Variants in C1QTNF3 observed in about 807,000 individuals in gnomAD.
C1QTNF3 encodes C1q and TNF related 3, also known as complement C1q tumor necrosis factor-related protein 3.
In C1QTNF3, 26 loss-of-function variants were observed where a neutral mutation model predicts 32.6. The ratio of observed to expected loss-of-function variants is 0.80; its 90% CI spans 0.58 to 1.11. C1QTNF3 has a LOEUF of 1.11. Ranked by LOEUF, C1QTNF3 falls within the 50% of genes least tolerant of loss-of-function variation. The pLI, the probability that C1QTNF3 is intolerant of heterozygous loss-of-function variation, is 0.00. For synonymous variants in C1QTNF3, 155 were observed against 146.0 expected, an observed-to-expected ratio of 1.06 and a Z score of -0.44; for missense variants, 362 against 398.2, an observed-to-expected ratio of 0.91 and a Z score of 0.77.
chr5:34,038,986 T>A (rs1754807323), intron 1 of C1QTNF3, among the ~76,000 whole-genome samples: 1 of 152,144 alleles, frequency 6.6e-6, no homozygotes, highest in African/African-American at 2.4e-5. Flanking sequence ...AACCTGAAAC[T>A]GGTTATCGGC....
At chr5:34,156,687 T>C in the C1QTNF3 span, among the ~76,000 whole-genome samples, 2 of 152,210 alleles carry the variant, frequency 1.3e-5, no homozygotes, top group Non-Finnish European at 2.9e-5. Flanking sequence ...TAGATGTTAC[T>C]AGATATTATA....
At chr5:34,166,820 T>A in the C1QTNF3 span, 1 of 152,068 alleles carries the variant, frequency 6.6e-6, no homozygotes, top group East Asian at 1.9e-4. Context: ...AGAGTTATGA[T>A]CGGTTACTTG....
At chr5:34,161,677 CTCTT>C in the C1QTNF3 span, among the ~76,000 whole-genome samples, 2 of 152,162 alleles carry the variant, frequency 1.3e-5, no homozygotes, top group Non-Finnish European at 2.9e-5. Context: ...AATTATTACA[CTCTT>C]TATCTTTCAT....
chr5:34,054,439 T>C, the C1QTNF3 span, among the ~76,000 whole-genome samples: 9 of 152,186 alleles, frequency 5.9e-5, no homozygotes, highest in African/African-American at 1.9e-4. Flanking sequence ...CTATGGACCA[T>C]AGAATCTTTG....
chr5:34,031,163 T>G (rs1283115829), intron 3 of C1QTNF3, among the ~76,000 whole-genome samples: 1 of 152,170 alleles, frequency 6.6e-6, no homozygotes, highest in East Asian at 1.9e-4. Flanking sequence ...AAAGTCAAAG[T>G]TAATCCTTCG....
At chr5:34,226,555 G>A in the C1QTNF3 span, among the ~76,000 whole-genome samples, 1 of 151,104 alleles carries the variant, frequency 6.6e-6, no homozygotes, top group African/African-American at 2.4e-5. Context: ...CATTTAATAT[G>A]TTCTTAATCT....
the C1QTNF3 span, among the ~76,000 whole-genome samples, chr5:34,238,266 C>A: frequency 6.6e-6 from 1 of 152,074 alleles, no homozygotes; most frequent in Non-Finnish European, 1.5e-5. Context: ...CACTAGCTAC[C>A]AAGCAATGGT....
At chr5:34,046,794 C>T (rs114044741), upstream of C1QTNF3, among the ~76,000 whole-genome samples, 3,497 of 152,216 alleles carry the variant, frequency 0.023, 85 homozygotes, top group African/African-American at 0.063. Context: ...CTGGAGTCTA[C>T]ACATGTACTA....
At chr5:34,231,090 C>T in the C1QTNF3 span, among the ~76,000 whole-genome samples, 2 of 152,098 alleles carry the variant, frequency 1.3e-5, no homozygotes, top group Non-Finnish European at 2.9e-5. Flanking sequence ...CTCACTCTTC[C>T]CTGCTGAAAC....
intron 2 of C1QTNF3, 149 bp downstream of exon 2, chr5:34,035,498 A>C (rs1001016352): frequency 2.9e-6 from 2 of 679,798 alleles, no homozygotes; most frequent in Non-Finnish European, 5.2e-6. Context: ...GGAGCCTCCC[A>C]GCCTATGAAC....
the C1QTNF3 span, among the ~76,000 whole-genome samples, chr5:34,243,546 A>T: frequency 6.6e-6 from 1 of 152,258 alleles, no homozygotes; most frequent in Non-Finnish European, 1.5e-5. Context: ...TCACAATAGC[A>T]CAGACACGGA....
At chr5:34,221,313 C>T in the C1QTNF3 span, among the ~76,000 whole-genome samples, 1 of 152,026 alleles carries the variant, frequency 6.6e-6, no homozygotes, top group Non-Finnish European at 1.5e-5. Flanking sequence ...CCAAATCTGT[C>T]ATGCAAATAC....
the C1QTNF3 span, among the ~76,000 whole-genome samples, chr5:34,154,692 C>T: frequency 6.6e-6 from 1 of 152,118 alleles, no homozygotes; most frequent in Non-Finnish European, 1.5e-5. Context: ...CAGCGTTTCT[C>T]AGCCTTAGCT....
intron 3 of C1QTNF3, among the ~76,000 whole-genome samples, chr5:34,031,877 C>T (rs1266134421): frequency 6.6e-6 from 1 of 152,116 alleles, no homozygotes; most frequent in East Asian, 1.9e-4. Context: ...ATGAGAGTAA[C>T]ACACTAACTA....
the C1QTNF3 span, among the ~76,000 whole-genome samples, chr5:34,069,056 C>T: frequency 6.9e-6 from 1 of 145,960 alleles, no homozygotes; most frequent in South Asian, 2.3e-4. Context: ...AGATTCACCC[C>T]TTGTTGCAAA....
chr5:34,214,104 C>T, the C1QTNF3 span, among the ~76,000 whole-genome samples: 1 of 151,162 alleles, frequency 6.6e-6, no homozygotes, highest in Non-Finnish European at 1.5e-5. Flanking sequence ...GTCACTGTAC[C>T]CAGTTTGTCT....
the C1QTNF3 span, among the ~76,000 whole-genome samples, chr5:34,204,470 T>C: frequency 6.6e-6 from 1 of 152,224 alleles, no homozygotes; most frequent in African/African-American, 2.4e-5. Flanking sequence ...GTCATTATTT[T>C]AAGTGAAACA....
the C1QTNF3 span, among the ~76,000 whole-genome samples, chr5:34,102,280 ATTG>A: frequency 6.6e-6 from 1 of 152,186 alleles, no homozygotes; most frequent in African/African-American, 2.4e-5. Flanking sequence ...TTATTTATAC[ATTG>A]TTTACACACA....
the C1QTNF3 span, among the ~76,000 whole-genome samples, chr5:34,221,598 T>C: frequency 6.6e-6 from 1 of 152,098 alleles, no homozygotes; most frequent in Admixed American, 6.6e-5. Context: ...TGCAAGTACC[T>C]TTCACTATAA....
Sources: gnomAD v4.1 joint callset for allele counts (sites outside exome capture counted in the v4.1 genomes callset) on GRCh38, gnomAD v4.1.1 for gene constraint, MANE v1.5 for transcripts, NCBI Gene and HGNC (gene_info 2026-07-23, HGNC 2026-07-21) for gene names.